DST: variants seen among roughly 807,000 people sequenced by gnomAD.
DST encodes bullous pemphigoid antigen.
In DST, 253 loss-of-function variants were observed where a neutral mutation model predicts 875.2. That is an observed-to-expected ratio of 0.29 (90% confidence interval 0.26 to 0.32). The LOEUF is 0.32. Ranked by LOEUF, DST falls within the 10% of genes least tolerant of loss-of-function variation. DST has a pLI of 1.00. For synonymous variants in DST, 3,124 were observed against 3,197.1 expected (o/e 0.98, Z 0.77); for missense variants, 8,287 against 9,111.6 (o/e 0.91, Z 3.68).
In DST at chr6:56,907,992, C is replaced by T. The variant is rs144513265; in HGVS notation, c.217-7371G>A. Reference sequence around the variant, plus strand: ...GGCTGAGGCACAAGAATTGCTTGAGCCCAGGGGCGGAGGTTGCAGTGAGCC... The same window carrying T: ...GGCTGAGGCACAAGAATTGCTTGAGTCCAGGGGCGGAGGTTGCAGTGAGCC... On this transcript the variant is annotated intron_variant, in intron 2 of 103. Transcript: ENST00000680361. Among the ~76,000 whole-genome samples the T allele has an allele frequency of 9.2e-3, 1,394 of 152,184 alleles. 24 individuals are homozygous for T. Among genetic ancestry groups the T allele is most frequent in the African/African-American group, 0.032 (1,325 of 41,510 alleles).
chr6:56,857,339 GTGTTTAAGTGT>G (rs1311218125), intron 3 of DST, among the ~76,000 whole-genome samples: 1 of 152,200 alleles, frequency 6.6e-6, no homozygotes, highest in Non-Finnish European at 1.5e-5. Context: ...CTTTTGTGGT[GTGTTTAAGTGT>G]TGCTTAGTTT....
chr6:56,465,561 TA>T (rs200464448), intron 99 of DST, among the ~76,000 whole-genome samples: 3,807 of 152,288 alleles, frequency 0.025, 70 homozygotes, highest in Non-Finnish European at 0.042. Context: ...TATATGTTTA[TA>T]TTTTTAATGT....
At chr6:56,811,253 G>C (rs1054276736) in intron 4 of DST, among the ~76,000 whole-genome samples, 3 of 144,854 alleles carry the variant, frequency 2.1e-5, no homozygotes, top group African/African-American at 7.7e-5. Context: ...CCTGAGAGAC[G>C]AAGCAGGAAG....
rs758299373 is a variant in DST, at chr6:56,624,647, A to G, written c.4831-19T>C. 7.9e-6 allele frequency: 12 copies of G among 1,510,868 alleles called. No homozygotes were observed. The highest frequency in any genetic ancestry group is 1.0e-5 in the Non-Finnish European group (11 of 1,087,034). The allele number at this position is 1,510,868 out of a possible 1,614,324, so 93.6% of individuals were successfully genotyped here. ...CCATGAACTGCAAGTAAGGAAAAAAATAATAAAAGCATTACCTCCAGTTAC... is the reference window on the plus strand; with the variant it reads ...CCATGAACTGCAAGTAAGGAAAAAAGTAATAAAAGCATTACCTCCAGTTAC... On this transcript the variant is annotated intron_variant, in intron 35 of 103. Coordinates refer to ENST00000680361, the MANE Select transcript of DST (RefSeq NM_001374736.1).
intron 53 of DST, among the ~76,000 whole-genome samples, chr6:56,571,284 C>A (rs2097777462): frequency 6.6e-6 from 1 of 152,138 alleles, no homozygotes; most frequent in Non-Finnish European, 1.5e-5. Context: ...TAAAGTTGGA[C>A]CCATTTGAAA....
intron 4 of DST, among the ~76,000 whole-genome samples, chr6:56,818,276 A>G (rs565026760): frequency 7.9e-5 from 12 of 152,166 alleles, no homozygotes; most frequent in Admixed American, 3.3e-4. Flanking sequence ...TAAAAAAACA[A>G]GGACCACTGT....
rs558869523 is a variant in DST, at chr6:56,783,853, C to T, written c.626-48564G>A. On this transcript the variant is annotated intron_variant, in intron 4 of 103. Coordinates refer to ENST00000680361, the MANE Select transcript of DST (RefSeq NM_001374736.1). ...TTTACATTTTGGCTTGATTTTGCAG[C>T]GGCTGGTACCTGTTGTGCCTTTCCA... 7.6e-4 allele frequency among the ~76,000 whole-genome samples: 116 copies of T among 152,248 alleles called. 1 individual carries two copies. The highest frequency in any genetic ancestry group is 2.1e-3 in the South Asian group (10 of 4,816).
rs1017368653 is a variant in DST at position 56,606,216 on chromosome 6, C to T, written c.8412G>A (p.Gln2804=). The T allele has an allele frequency of 1.3e-6, 2 of 1,569,074 alleles. No homozygotes were observed. Among genetic ancestry groups the T allele is most frequent in the African/African-American group, 1.4e-5 (1 of 73,874 alleles). ...YGDYIYDSND[Q]DDDDDDGIDE... Reference sequence around the variant, plus strand: ...CAATGCCATCATCATCATCGTCATCCTGATCATTACTGTCATATATATAAT... The same window carrying T: ...CAATGCCATCATCATCATCGTCATCTTGATCATTACTGTCATATATATAAT... Residue 2804 remains glutamine (Q), a synonymous_variant, in exon 40 of 104, where the codon CAG becomes CAA. Transcript: ENST00000680361.
chr6:56,794,564 C>T (rs2099736518), intron 4 of DST, among the ~76,000 whole-genome samples: 2 of 152,104 alleles, frequency 1.3e-5, no homozygotes, highest in Non-Finnish European at 2.9e-5. Flanking sequence ...CCACAAAAAC[C>T]TCACCAGAAA....
intron 4 of DST, among the ~76,000 whole-genome samples, chr6:56,776,044 CA>C (rs1460864567): frequency 1.3e-5 from 2 of 152,176 alleles, no homozygotes; most frequent in Non-Finnish European, 2.9e-5. Flanking sequence ...GTCAGGTAAT[CA>C]AGGATAATAA....
At chr6:56,636,714 G>A in intron 22 of DST, 62 bp from the exon 23 acceptor site, 1 of 1,265,376 alleles carries the variant, frequency 7.9e-7, no homozygotes, top group South Asian at 1.2e-5. Context: ...CATACCTTTT[G>A]ATATCGATGC....
At chr6:56,839,634 T>A (rs867055027) in intron 4 of DST, among the ~76,000 whole-genome samples, 22 of 152,158 alleles carry the variant, frequency 1.4e-4, no homozygotes, top group African/African-American at 5.1e-4. Flanking sequence ...TATACTCCAA[T>A]TTTCAATTCA....
chr6:56,482,961 A>T, intron 88 of DST, 84 bp from the exon 89 acceptor site: 1 of 1,036,172 alleles, frequency 9.7e-7, no homozygotes, highest in Non-Finnish European at 1.3e-6. Context: ...ATATGTGCAC[A>T]TAACATCATG....
At chr6:56,923,203 T>C (rs1453750119) in intron 2 of DST, among the ~76,000 whole-genome samples, 1 of 152,018 alleles carries the variant, frequency 6.6e-6, no homozygotes, top group Non-Finnish European at 1.5e-5. Flanking sequence ...TATCAATAGG[T>C]ACCTCAAAAA....
intron 5 of DST, among the ~76,000 whole-genome samples, chr6:56,721,150 C>T (rs532936599): frequency 1.3e-5 from 2 of 151,090 alleles, no homozygotes; most frequent in African/African-American, 2.4e-5. Context: ...CAGGGGCGGC[C>T]CCCCCCACCT....
At chr6:56,471,349 G>C in intron 94 of DST, 81 bp from the exon 95 acceptor site, 2 of 1,044,192 alleles carry the variant, frequency 1.9e-6, no homozygotes, top group Non-Finnish European at 2.7e-6. Context: ...CTTTTGAAAT[G>C]ATTCTCTAGG....
intron 39 of DST, among the ~76,000 whole-genome samples, chr6:56,609,932 G>A (rs989400699): frequency 1.3e-5 from 2 of 152,152 alleles, no homozygotes; most frequent in East Asian, 3.8e-4. Flanking sequence ...ACACTGTCAA[G>A]TTTTAAAAGT....
chr6:56,728,950 T>G (rs2099484074), intron 5 of DST, among the ~76,000 whole-genome samples: 4 of 148,596 alleles, frequency 2.7e-5, no homozygotes, highest in African/African-American at 5.0e-5. Flanking sequence ...TAACTTACCC[T>G]CAAGTGGTTC....
In DST at chr6:56,471,217, G is replaced by T; in HGVS notation, c.22210C>A (p.Arg7404=). Reference sequence around the variant, plus strand: ...CGAGATTTCTTGTGATTCATCCATCGCATGTATTTTTTGCGCCAGATATCA... The same window carrying T: ...CGAGATTTCTTGTGATTCATCCATCTCATGTATTTTTTGCGCCAGATATCA... The part of the protein sequence containing the change: ...DFDIWRKKYM[R]WMNHKKSRVM... The change falls in exon 95 of 104, where the codon CGA becomes AGA. Residue 7404 remains arginine (R), a synonymous_variant. Coordinates refer to ENST00000680361, the MANE Select transcript of DST (RefSeq NM_001374736.1). 6.2e-7 allele frequency: 1 copy of T among 1,600,582 alleles called. No homozygotes were observed. The highest frequency in any genetic ancestry group is 8.5e-7 in the Non-Finnish European group (1 of 1,172,722).
Sources: allele counts gnomAD v4.1 joint callset (sites outside exome capture counted in the v4.1 genomes callset), GRCh38; gene constraint gnomAD v4.1.1; transcripts MANE v1.5; gene names NCBI Gene and HGNC (gene_info 2026-07-23, HGNC 2026-07-21).